The following PLBD2 variants were observed in gnomAD, a reference collection of about 807,000 sequenced individuals.
PLBD2 encodes putative aminopeptidase PLBD2.
PLBD2 carries 51 observed loss-of-function variants against 68.3 expected under a neutral mutation model. The ratio of observed to expected loss-of-function variants is 0.75; its 90% CI spans 0.60 to 0.94. PLBD2 has a LOEUF of 0.94. Ranked by LOEUF, PLBD2 falls within the 40% of genes least tolerant of loss-of-function variation. The probability of loss-of-function intolerance (pLI) is 0.00; values close to 1 mark genes in which losing one functional copy is unlikely to be tolerated. For missense variants in PLBD2, 729 were observed against 792.2 expected (o/e 0.92, Z 0.96); for synonymous variants, 314 against 339.3 (o/e 0.93, Z 0.82).
Position 113,370,472 on chromosome 12 carries a change from CTTTTTTTTTTT to C in PLBD2, c.384+1275_384+1285del, listed in dbSNP as rs71086162. Among the ~76,000 whole-genome samples, 19 of 103,622 alleles carry C rather than the reference CTTTTTTTTTTT, an allele frequency of 1.8e-4. No individual in the cohort carries two copies. The East Asian group carries it at 3.0e-3, about 16-fold the overall frequency. The allele number at this position is 103,622 out of a possible 152,430, so 68.0% of individuals were successfully genotyped here. ...CCTAGTGTAATTTTCTTTTTCTTTTCTTTTTTTTTTTTTTTTTTTTTTGAGACAGAGTCTCA... is the reference window on the plus strand; with the variant it reads ...CCTAGTGTAATTTTCTTTTTCTTTTCTTTTTTTTTTTGAGACAGAGTCTCA... On this transcript the variant is annotated intron_variant, in intron 2 of 11. Coordinates refer to ENST00000280800, the MANE Select transcript of PLBD2 (RefSeq NM_173542.4).
chr12:113,374,525 C>T lies in PLBD2; in HGVS notation c.595C>T (p.Arg199Cys), dbSNP rs1331253635. 1.0e-5 allele frequency: 16 copies of T among 1,607,076 alleles called. No homozygotes were observed. Among genetic ancestry groups the T allele is most frequent in the Admixed American group, 3.4e-5 (2 of 59,108 alleles). Residue 199 changes from arginine to cysteine, a missense_variant, in exon 4 of 12, where the codon CGT becomes TGT. Transcript: ENST00000280800. ...AGGCCTGGAGGACAGCTACGAAGGC[C>T]GTGTGAGCTTCCCAGCTGGGAAGTT... ...LKGLEDSYEG[R>C]VSFPAGKFTI... is the part of the protein sequence containing the mutation.
intron 1 of PLBD2, among the ~76,000 whole-genome samples, chr12:113,365,994 T>A (rs1957338916): frequency 6.6e-6 from 1 of 152,220 alleles, no homozygotes; most frequent in South Asian, 2.1e-4. Flanking sequence ...CTTTCCCCTC[T>A]GCTGCCACTA....
At chr12:113,363,693 A>G (rs1957316549) in intron 1 of PLBD2, among the ~76,000 whole-genome samples, 1 of 151,536 alleles carries the variant, frequency 6.6e-6, no homozygotes, top group Admixed American at 6.6e-5. Context: ...GCCCGCCCCC[A>G]CGCCCGGCTA....
intron 1 of PLBD2, among the ~76,000 whole-genome samples, chr12:113,368,386 G>T (rs1957360019): frequency 6.6e-6 from 1 of 152,254 alleles, no homozygotes; most frequent in Non-Finnish European, 1.5e-5. Flanking sequence ...TCATGCTGCA[G>T]CTCTACAGAC....
intron 6 of PLBD2, among the ~76,000 whole-genome samples, chr12:113,381,225 T>C (rs1957486961): frequency 6.6e-6 from 1 of 152,014 alleles, no homozygotes; most frequent in Non-Finnish European, 1.5e-5. Context: ...TTTTTATGTA[T>C]TCAGGATAAC....
At chr12:113,368,249 G>A (rs551475281) in intron 1 of PLBD2, among the ~76,000 whole-genome samples, 1 of 152,324 alleles carries the variant, frequency 6.6e-6, no homozygotes, top group Non-Finnish European at 1.5e-5. Context: ...TGCCAACTCT[G>A]TGACCTTTCA....
rs749659198 is a variant in PLBD2, at chr12:113,369,114, A to G, written c.291-2A>G. On this transcript the variant is annotated splice_acceptor_variant, in intron 1 of 11. Transcript: ENST00000280800. LOFTEE classifies it high-confidence loss of function. The stretch of plus-strand genomic sequence containing the variant: ...ACTGAGTGTCCCCTCCTTCCCCTCC[A>G]GGTGGGCCTTCCTGGAGCTGGGCAC... The G allele has an allele frequency of 1.3e-6, 2 of 1,589,472 alleles. No individual in the cohort carries two copies. Among genetic ancestry groups the G allele is most frequent in the South Asian group, 2.3e-5 (2 of 87,080 alleles).
At chr12:113,368,131 C>T (rs1188009334) in intron 1 of PLBD2, among the ~76,000 whole-genome samples, 1 of 152,014 alleles carries the variant, frequency 6.6e-6, no homozygotes, top group Non-Finnish European at 1.5e-5. Context: ...CTGATCAGAA[C>T]CTGCCTTCTA....
At position 113,384,089 on chromosome 12, in the gene PLBD2, C is replaced by A. The variant is rs372285833; in HGVS notation, c.958-16C>A. ...CATGCCTAGGCTGTGCAGCAGCCCC[C>A]TTGACCTTCCCACAGGTGACACTGG... On this transcript the variant is annotated splice_polypyrimidine_tract_variant and intron_variant, in intron 6 of 11. Transcript: ENST00000280800. This position sits in a 1 kb window ranked among gnomAD's most constrained non-coding sequence, Gnocchi z 4.2. 1.5e-4 allele frequency: 239 copies of A among 1,592,926 alleles called. No homozygotes were observed. The highest frequency in any genetic ancestry group is 2.0e-4 in the Non-Finnish European group (228 of 1,166,160).
chr12:113,366,455 C>G (rs1031932726), intron 1 of PLBD2, among the ~76,000 whole-genome samples: 3 of 143,990 alleles, frequency 2.1e-5, no homozygotes, highest in Non-Finnish European at 4.7e-5. Context: ...ATGCAAAAAC[C>G]AATTAAAACA....
At position 113,391,026 on chromosome 12, in the gene PLBD2, A is replaced by C. The variant is rs1183281043; in HGVS notation, c.*2400A>C. On this transcript the variant is annotated 3_prime_UTR_variant, in exon 12 of 12. Transcript: ENST00000280800. ...CTATCCATCAGCCATCCATTCATTC[A>C]TATCCATCCATCCATCTATCCATCC... 1 of 152,056 alleles carries C rather than the reference A, an allele frequency of 6.6e-6. No individual in the cohort carries two copies. The highest frequency in any genetic ancestry group is 2.4e-5 in the African/African-American group (1 of 41,392). 9.4% of individuals were successfully genotyped at this position (152,056 alleles called of 1,614,324 possible). A position where few individuals can be genotyped will look rare whatever the true frequency, so the allele number is the denominator to read the frequency against.
chr12:113,374,011 T>G (rs2136910632), intron 3 of PLBD2, among the ~76,000 whole-genome samples: 1 of 152,204 alleles, frequency 6.6e-6, no homozygotes, highest in Non-Finnish European at 1.5e-5. Flanking sequence ...AAGTGCCCAG[T>G]GTGCCTGCCC....
chr12:113,363,890 GCATA>G (rs1957318678), intron 1 of PLBD2, among the ~76,000 whole-genome samples: 1 of 152,168 alleles, frequency 6.6e-6, no homozygotes, highest in Non-Finnish European at 1.5e-5. Flanking sequence ...AAACCTTCTT[GCATA>G]CATATAAATG....
chr12:113,387,842 C>T lies in PLBD2; in HGVS notation c.1538C>T (p.Pro513Leu), dbSNP rs375739105. 5.3e-5 allele frequency: 86 copies of T among 1,614,224 alleles called. 1 individual carries two copies. The highest frequency in any genetic ancestry group is 5.2e-4 in the African/African-American group (39 of 75,066). ...ATCTCCGCCCGCTCCGACCTCAACC[C>T]GGCCAATGGCTCCTACCCCTTCCAG... ...NAISARSDLNPANGSYPFQAL... is the reference protein window; with the variant it reads ...NAISARSDLNLANGSYPFQAL... The change falls in exon 11 of 12, where the codon CCG becomes CTG. Residue 513 changes from proline (P) to leucine (L), a missense_variant. Transcript: ENST00000280800.
chr12:113,383,679 C>T (rs573981534), intron 6 of PLBD2, among the ~76,000 whole-genome samples: 51 of 151,830 alleles, frequency 3.4e-4, no homozygotes, highest in African/African-American at 1.2e-3. Context: ...AGGTGATCCA[C>T]CTACCTTGGC....
In PLBD2 at chr12:113,372,625, C is replaced by T. The variant is rs759108925; in HGVS notation, c.385-24C>T. ...AGAGCACCCCAGCTGCCCGCCCTTG[C>T]CTCGCCCACCCCCTACCCCACAGCT... is the stretch of plus-strand genomic sequence containing the variant. On this transcript the variant is annotated intron_variant, in intron 2 of 11. Coordinates refer to ENST00000280800, the MANE Select transcript of PLBD2 (RefSeq NM_173542.4). The surrounding 1 kb of genome is among the most constrained non-coding windows in gnomAD (Gnocchi z 4.2). 15 of 1,602,486 alleles carry T rather than the reference C, an allele frequency of 9.4e-6. No individual in the cohort carries two copies. The East Asian group carries it at 3.4e-4, about 36-fold the overall frequency.
At chr12:113,375,383 C>T (rs1957431571) in intron 5 of PLBD2, among the ~76,000 whole-genome samples, 1 of 152,152 alleles carries the variant, frequency 6.6e-6, no homozygotes, top group African/African-American at 2.4e-5. Flanking sequence ...AACTCCTGGG[C>T]TCAAGTGATC....
intron 6 of PLBD2, among the ~76,000 whole-genome samples, chr12:113,382,867 GTTTTTTTTT>G (rs67376686): frequency 6.1e-5 from 5 of 81,798 alleles, no homozygotes; most frequent in South Asian, 4.1e-4. Context: ...GTGTGTGTGT[GTTTTTTTTT>G]TTTTTTTTTT....
intron 1 of PLBD2, among the ~76,000 whole-genome samples, chr12:113,367,413 A>G (rs947306644): frequency 2.0e-5 from 3 of 152,128 alleles, no homozygotes; most frequent in East Asian, 3.9e-4. Flanking sequence ...GTGACCTGCT[A>G]TGGTTCCAGG....
Sources: gnomAD v4.1 joint callset for allele counts (sites outside exome capture counted in the v4.1 genomes callset) on GRCh38, gnomAD v4.1.1 for gene constraint, Gnocchi (gnomAD v3.1) non-coding constraint, MANE v1.5 for transcripts, NCBI Gene and HGNC (gene_info 2026-07-23, HGNC 2026-07-21) for gene names.